TSHZ3: variants seen among roughly 807,000 people sequenced by gnomAD.
TSHZ3 encodes teashirt homolog 3.
A neutral mutation model predicts 64.5 loss-of-function variants in TSHZ3; 10 were observed. The observed-to-expected ratio is 0.16, with a 90% CI of 0.10 to 0.26. The LOEUF is 0.26. Ranked by LOEUF, TSHZ3 falls within the 10% of genes least tolerant of loss-of-function variation. The probability of loss-of-function intolerance (pLI) is 1.00; values close to 1 mark genes in which losing one functional copy is unlikely to be tolerated. For missense variants in TSHZ3, 1,242 were observed against 1,421.7 expected, an observed-to-expected ratio of 0.87 and a Z score of 2.03; for synonymous variants, 608 against 593.1, an observed-to-expected ratio of 1.03 and a Z score of -0.36.
At chr19:31,344,197 G>C (rs1190719224) in intron 1 of TSHZ3, among the ~76,000 whole-genome samples, 1 of 151,840 alleles carries the variant, frequency 6.6e-6, no homozygotes, top group Non-Finnish European at 1.5e-5. Flanking sequence ...ACACACACAC[G>C]CACACACAGA....
intron 5 of TSHZ3, among the ~76,000 whole-genome samples, chr19:31,197,502 G>A (rs1975009886): frequency 1.3e-5 from 2 of 151,038 alleles, no homozygotes. Context: ...AAAAAAAATA[G>A]AGAAAATTTA....
chr19:31,212,503 TTATG>T (rs1163448180), intron 4 of TSHZ3, among the ~76,000 whole-genome samples: 2 of 152,052 alleles, frequency 1.3e-5, no homozygotes, highest in Non-Finnish European at 2.9e-5. Flanking sequence ...AAGGCTCTCA[TTATG>T]TATCATCAGG....
rs553252824 is a variant in TSHZ3 at position 31,214,597 on chromosome 19, C to T, written n.687-9519G>A. On this transcript the variant is annotated intron_variant and non_coding_transcript_variant, in intron 4 of 6. Coordinates refer to the TSHZ3 transcript ENST00000651361. ...CATCCCAGGATTAAGTGTGGGGGTC[C>T]TGAAGACCTATTTCCTAAAGAATCA... 1.9e-4 allele frequency among the ~76,000 whole-genome samples: 29 copies of T among 152,258 alleles called. No individual in the cohort carries two copies. In the South Asian group the frequency reaches 6.0e-3, roughly 32 times the overall value.
chr19:31,267,269 C>T lies in TSHZ3; in HGVS notation n.64-24394G>A, dbSNP rs138027013. Among the ~76,000 whole-genome samples, 3 of 152,122 alleles carry T rather than the reference C, an allele frequency of 2.0e-5. No homozygotes were observed. In the East Asian group the frequency reaches 5.8e-4, roughly 30 times the overall value. ...GAATTGTGCAAGAGATGAGAGCTCA[C>T]CCTTGCCTGAGAATTGTGCAGGGTC... On this transcript the variant is annotated intron_variant and non_coding_transcript_variant, in intron 1 of 6. Coordinates refer to the TSHZ3 transcript ENST00000651361.
At chr19:31,335,677 C>A (rs1293740148) in intron 1 of TSHZ3, among the ~76,000 whole-genome samples, 1 of 152,228 alleles carries the variant, frequency 6.6e-6, no homozygotes, top group Non-Finnish European at 1.5e-5. Flanking sequence ...TCCCTAAAGG[C>A]CAAGTTCTGA....
rs148583354 is a variant in TSHZ3 at position 31,274,968 on chromosome 19, T to C, written c.*1579A>G. 1 of 152,644 alleles carries C rather than the reference T, an allele frequency of 6.6e-6. No individual in the cohort carries two copies. The highest frequency in any genetic ancestry group is 1.9e-4 in the East Asian group (1 of 5,160). The allele number at this position is 152,644 out of a possible 1,614,324, so 9.5% of individuals were successfully genotyped here. ...AATTATAGCAAAAAGACAATTTTAA[T>C]GCTGCCGTAGAAAAAAGGGTTATAT... is the stretch of plus-strand genomic sequence containing the variant. On this transcript the variant is annotated 3_prime_UTR_variant, in exon 2 of 2. Coordinates refer to ENST00000240587, the MANE Select transcript of TSHZ3 (RefSeq NM_020856.4).
intron 1 of TSHZ3, among the ~76,000 whole-genome samples, chr19:31,280,976 C>T (rs924499606): frequency 6.6e-6 from 1 of 152,192 alleles, no homozygotes; most frequent in Non-Finnish European, 1.5e-5. Context: ...GTGGCCAGCC[C>T]TGTGGCTAGG....
intron 1 of TSHZ3, among the ~76,000 whole-genome samples, chr19:31,323,964 G>A (rs1916857148): frequency 5.3e-5 from 8 of 150,742 alleles, no homozygotes; most frequent in Admixed American, 4.6e-4. Context: ...TGCATGTGGG[G>A]CTACCCTCAT....
intron 3 of TSHZ3, among the ~76,000 whole-genome samples, chr19:31,240,902 C>A (rs1050486110): frequency 1.3e-5 from 2 of 152,022 alleles, no homozygotes; most frequent in Non-Finnish European, 2.9e-5. Context: ...TGCTCAGATT[C>A]TTTTTCTATT....
At chr19:31,184,813 A>C (rs1396215913) in intron 5 of TSHZ3, among the ~76,000 whole-genome samples, 1 of 152,218 alleles carries the variant, frequency 6.6e-6, no homozygotes, top group African/African-American at 2.4e-5. Flanking sequence ...TTCATAAAGA[A>C]GTCTTCCTTA....
chr19:31,276,455 T>C lies in TSHZ3; in HGVS notation c.*92A>G. 3.3e-6 allele frequency: 4 copies of C among 1,213,656 alleles called. No homozygotes were observed. Among genetic ancestry groups the C allele is most frequent in the South Asian group, 1.5e-5 (1 of 65,714 alleles). 75.2% of individuals were successfully genotyped at this position (1,213,656 alleles called of 1,614,324 possible). ...ATTCTCTGCAGTTAAAATAAGAACA[T>C]GTGCCAAGAACAACAAGTCAGAGGG... On this transcript the variant is annotated 3_prime_UTR_variant, in exon 2 of 2. Coordinates refer to ENST00000240587, the MANE Select transcript of TSHZ3 (RefSeq NM_020856.4).
intron 1 of TSHZ3, among the ~76,000 whole-genome samples, chr19:31,341,609 ACTCTCT>A (rs140397780): frequency 8.8e-5 from 12 of 135,910 alleles, no homozygotes; most frequent in Non-Finnish European, 1.4e-4. Flanking sequence ...GCATGCACTC[ACTCTCT>A]CTCTCTCTCT....
chr19:31,179,029 A>ATGAAGAT (rs1974657577), intron 5 of TSHZ3, among the ~76,000 whole-genome samples: 1 of 151,152 alleles, frequency 6.6e-6, no homozygotes, highest in African/African-American at 2.4e-5. Context: ...GATGATGATG[A>ATGAAGAT]TGATGATGAT....
intron 4 of TSHZ3, among the ~76,000 whole-genome samples, chr19:31,213,353 T>C (rs1975284666): frequency 5.3e-5 from 1 of 18,744 alleles, no homozygotes; most frequent in Non-Finnish European, 9.0e-5. Flanking sequence ...CGAGACTCTG[T>C]CTCAAAAAAA....
At chr19:31,280,450 C>G (rs1976341858) in intron 1 of TSHZ3, among the ~76,000 whole-genome samples, 1 of 151,824 alleles carries the variant, frequency 6.6e-6, no homozygotes, top group South Asian at 2.1e-4. Context: ...ATACCCTGAC[C>G]AGCTACCACC....
chr19:31,227,606 C>T (rs1262836326), intron 4 of TSHZ3, among the ~76,000 whole-genome samples: 1 of 152,142 alleles, frequency 6.6e-6, no homozygotes, highest in Non-Finnish European at 1.5e-5. Context: ...AGAGAGATCC[C>T]TAATGCCAAT....
intron 1 of TSHZ3, among the ~76,000 whole-genome samples, chr19:31,332,125 T>G (rs1917114276): frequency 6.6e-6 from 1 of 152,188 alleles, no homozygotes; most frequent in Non-Finnish European, 1.5e-5. Flanking sequence ...AGGCAAAACC[T>G]AGGCTGATTC....
intron 5 of TSHZ3, among the ~76,000 whole-genome samples, chr19:31,196,475 T>A (rs1210803525): frequency 6.6e-6 from 1 of 151,944 alleles, no homozygotes; most frequent in Non-Finnish European, 1.5e-5. Flanking sequence ...TAAACTACAT[T>A]AATAATCACT....
intron 5 of TSHZ3, among the ~76,000 whole-genome samples, chr19:31,157,811 G>A (rs898826211): frequency 6.6e-6 from 1 of 152,174 alleles, no homozygotes; most frequent in Non-Finnish European, 1.5e-5. Context: ...CTGCTGCATA[G>A]ACTTGAAATA....
Sources: allele counts gnomAD v4.1 joint callset (sites outside exome capture counted in the v4.1 genomes callset), GRCh38; gene constraint gnomAD v4.1.1; transcripts MANE v1.5; gene names NCBI Gene and HGNC (gene_info 2026-07-23, HGNC 2026-07-21).